KCNH7: variants seen among roughly 807,000 people sequenced by gnomAD.
KCNH7 encodes potassium voltage-gated channel subfamily H member 7, also known as voltage-gated inwardly rectifying potassium channel KCNH7.
In KCNH7, 49 loss-of-function variants were observed where a neutral mutation model predicts 120.8. The observed-to-expected ratio is 0.41, with a 90% CI of 0.32 to 0.51. The LOEUF (loss-of-function observed/expected upper bound fraction) is 0.51. Among genes scored for constraint, KCNH7 ranks in the 20% least tolerant of loss-of-function variants. KCNH7 has a pLI of 0.38. For synonymous variants in KCNH7, 547 were observed against 516.1 expected (o/e 1.06, Z -0.81); for missense variants, 1,097 against 1,446.6 (o/e 0.76, Z 3.92).
chr2:162,425,763 A>T (rs575135474), intron 8 of KCNH7, among the ~76,000 whole-genome samples: 1 of 152,290 alleles, frequency 6.6e-6, no homozygotes, highest in South Asian at 2.1e-4. Flanking sequence ...TATTTATTAA[A>T]TAGATTTTAG....
intron 2 of KCNH7, among the ~76,000 whole-genome samples, chr2:162,680,932 G>T (rs1415916679): frequency 6.6e-6 from 1 of 151,614 alleles, no homozygotes; most frequent in African/African-American, 2.4e-5. Flanking sequence ...ATGACTGAGG[G>T]TTATCATGCT....
chr2:162,512,770 G>C, intron 4 of KCNH7, 96 bp from the exon 5 acceptor site: 1 of 957,122 alleles, frequency 1.0e-6, no homozygotes, highest in Non-Finnish European at 1.6e-6. Context: ...AACAATCAGA[G>C]AAATCAGAAT....
chr2:162,372,094 C>T lies in KCNH7; in HGVS notation c.3326G>A (p.Cys1109Tyr), dbSNP rs758502206. Residue 1109 changes from cysteine (C) to tyrosine (Y), a missense_variant and splice_region_variant, in exon 16 of 16, where the codon TGT becomes TAT. This residue lies in a region of KCNH7 where 406 missense variants were observed against 410.5 expected (regional missense o/e 0.99). Coordinates refer to ENST00000332142, the MANE Select transcript of KCNH7 (RefSeq NM_033272.4). Reference sequence around the variant, plus strand: ...TTTTTCAAGGTCTAGAAATTCAGGACACTGATGGAAAAAGAACAAAACAAG... The same window carrying T: ...TTTTTCAAGGTCTAGAAATTCAGGATACTGATGGAAAAAGAACAAAACAAG... ...TDRSFSPSSQ[C>Y]PEFLDLEKSK... The T allele has an allele frequency of 1.2e-6, 2 of 1,606,336 alleles. No homozygotes were observed. The highest frequency in any genetic ancestry group is 8.5e-7 in the Non-Finnish European group (1 of 1,174,452).
At chr2:162,521,283 C>T (rs1691511605) in intron 3 of KCNH7, among the ~76,000 whole-genome samples, 1 of 151,868 alleles carries the variant, frequency 6.6e-6, no homozygotes. Flanking sequence ...CTAAACTGAA[C>T]TCAGAATGTG....
At chr2:162,402,711 G>T (rs1285809811) in intron 9 of KCNH7, among the ~76,000 whole-genome samples, 2 of 151,824 alleles carry the variant, frequency 1.3e-5, no homozygotes, top group Non-Finnish European at 2.9e-5. Flanking sequence ...AGAATACTGA[G>T]CTACTGAGCC....
chr2:162,601,516 T>C (rs1335298353), intron 2 of KCNH7, among the ~76,000 whole-genome samples: 1 of 148,876 alleles, frequency 6.7e-6, no homozygotes, highest in Non-Finnish European at 1.5e-5. Flanking sequence ...ATTCAATCTG[T>C]AGTTAAATGT....
intron 2 of KCNH7, among the ~76,000 whole-genome samples, chr2:162,650,371 T>G (rs2105257428): frequency 6.6e-6 from 1 of 152,302 alleles, no homozygotes; most frequent in East Asian, 1.9e-4. Context: ...TTTTGGTAGT[T>G]CATTTGTAAT....
intron 6 of KCNH7, among the ~76,000 whole-genome samples, chr2:162,488,336 T>C (rs960542888): frequency 6.6e-6 from 1 of 152,074 alleles, no homozygotes; most frequent in Non-Finnish European, 1.5e-5. Context: ...GGATATGATA[T>C]TTTTTTTCTT....
intron 9 of KCNH7, among the ~76,000 whole-genome samples, chr2:162,422,219 A>G (rs891793494): frequency 6.6e-6 from 1 of 152,180 alleles, no homozygotes; most frequent in Admixed American, 6.5e-5. Context: ...AAACTTATCC[A>G]TATATAAATA....
intron 2 of KCNH7, among the ~76,000 whole-genome samples, chr2:162,549,624 A>C (rs1692599372): frequency 6.6e-6 from 1 of 152,186 alleles, no homozygotes; most frequent in Admixed American, 6.5e-5. Context: ...AGAAGAACTG[A>C]AAAAAATAGA....
chr2:162,523,638 T>G (rs1691604716), intron 3 of KCNH7, among the ~76,000 whole-genome samples: 1 of 151,820 alleles, frequency 6.6e-6, no homozygotes, highest in Non-Finnish European at 1.5e-5. Flanking sequence ...CACTTTTGAC[T>G]TCAACCAATT....
intron 2 of KCNH7, among the ~76,000 whole-genome samples, chr2:162,811,598 T>C (rs943147634): frequency 3.3e-5 from 5 of 152,132 alleles, no homozygotes; most frequent in African/African-American, 1.2e-4. Context: ...ATCTGGCAGT[T>C]TGAAAAATAG....
chr2:162,468,895 G>C (rs1459840196), intron 6 of KCNH7, among the ~76,000 whole-genome samples: 1 of 151,474 alleles, frequency 6.6e-6, no homozygotes, highest in Non-Finnish European at 1.5e-5. Context: ...CTGTTGACCA[G>C]GCTGACGTGC....
chr2:162,578,813 A>C (rs1470720556), intron 2 of KCNH7, among the ~76,000 whole-genome samples: 2 of 152,044 alleles, frequency 1.3e-5, no homozygotes, highest in Non-Finnish European at 2.9e-5. Flanking sequence ...TATCATTGGG[A>C]AAATGAACAT....
At chr2:162,782,514 T>C (rs534047054) in intron 2 of KCNH7, among the ~76,000 whole-genome samples, 5 of 152,106 alleles carry the variant, frequency 3.3e-5, no homozygotes, top group Non-Finnish European at 5.9e-5. Flanking sequence ...AGAAGGCCAG[T>C]GTGGCTGGAG....
intron 2 of KCNH7, among the ~76,000 whole-genome samples, chr2:162,664,460 A>G (rs1685069377): frequency 6.6e-6 from 1 of 152,168 alleles, no homozygotes; most frequent in African/African-American, 2.4e-5. Context: ...TTAACAGAAG[A>G]TGACATTGAA....
chr2:162,752,902 G>GAAAAAAGAAAGAA (rs140501872), intron 2 of KCNH7, among the ~76,000 whole-genome samples: 2 of 61,280 alleles, frequency 3.3e-5, no homozygotes, highest in Non-Finnish European at 5.5e-5. Flanking sequence ...CTACATCTCA[G>GAAAAAAGAAAGAA]AAAAAGAAAA....
chr2:162,374,210 G>A (rs1214444381), intron 14 of KCNH7, among the ~76,000 whole-genome samples: 1 of 152,064 alleles, frequency 6.6e-6, no homozygotes, highest in Non-Finnish European at 1.5e-5. Flanking sequence ...GCTGTTAAAT[G>A]TTAAATTCTT....
chr2:162,673,360 G>A (rs1233638285), intron 2 of KCNH7, among the ~76,000 whole-genome samples: 1 of 151,988 alleles, frequency 6.6e-6, no homozygotes, highest in Non-Finnish European at 1.5e-5. Context: ...TTATCAGTCA[G>A]GTTAATCCCA....
Sources: gnomAD v4.1 joint callset for allele counts (sites outside exome capture counted in the v4.1 genomes callset) on GRCh38, gnomAD v4.1.1 for gene constraint, gnomAD v4.1.1 regional missense constraint, MANE v1.5 for transcripts, NCBI Gene and HGNC (gene_info 2026-07-23, HGNC 2026-07-21) for gene names.